EPS8L2: variants seen among roughly 807,000 people sequenced by gnomAD.
EPS8L2 encodes epidermal growth factor receptor kinase substrate 8-like protein 2.
A neutral mutation model predicts 99.4 loss-of-function variants in EPS8L2; 81 were observed. The observed-to-expected ratio is 0.82, with a 90% CI of 0.68 to 0.98. The LOEUF is 0.98. Among genes scored for constraint, EPS8L2 ranks in the 50% least tolerant of loss-of-function variants. EPS8L2 has a pLI of 0.00. For synonymous variants in EPS8L2, 509 were observed against 407.3 expected, an observed-to-expected ratio of 1.25 and a Z score of -3.01; for missense variants, 1,155 against 968.8, an observed-to-expected ratio of 1.19 and a Z score of -2.55.
chr11:706,976 C>T (rs1425138642), intron 1 of EPS8L2, among the ~76,000 whole-genome samples: 2 of 152,072 alleles, frequency 1.3e-5, no homozygotes, highest in Non-Finnish European at 2.9e-5. Context: ...CCTGGCGTTG[C>T]CCCTTGCTGC....
Position 724,975 on chromosome 11 carries a change from C to T in EPS8L2, c.1560+146C>T, listed in dbSNP as rs1862277026. On this transcript the variant is annotated intron_variant, in intron 16 of 20. Transcript: ENST00000318562. The surrounding 1 kb of genome is among the most constrained non-coding windows in gnomAD (Gnocchi z 5.5). ...GCTGCTGGCCCCTTTCTCCAGGGTCCCCGCCCTTGGACTCTGATCAGGATC... is the reference window on the plus strand; with the variant it reads ...GCTGCTGGCCCCTTTCTCCAGGGTCTCCGCCCTTGGACTCTGATCAGGATC... 4 of 658,500 alleles carry T rather than the reference C, an allele frequency of 6.1e-6. No individual in the cohort carries two copies. In the South Asian group the frequency reaches 7.1e-5, roughly 12 times the overall value. The allele number at this position is 658,500 out of a possible 1,614,324, so 40.8% of individuals were successfully genotyped here. A position where few individuals can be genotyped will look rare whatever the true frequency, so the allele number is the denominator to read the frequency against.
chr11:717,677 A>C (rs560072079), intron 4 of EPS8L2, among the ~76,000 whole-genome samples: 4 of 151,868 alleles, frequency 2.6e-5, no homozygotes, highest in African/African-American at 9.6e-5. Context: ...CCAGGAGTTC[A>C]AGACCAGCCT....
At chr11:722,831 C>G (rs1423934431) in intron 14 of EPS8L2, 26 bp downstream of exon 14, 2 of 1,492,164 alleles carry the variant, frequency 1.3e-6, no homozygotes, top group African/African-American at 1.4e-5. Context: ...GCCCCCATCC[C>G]TACCCCAGCC....
At position 722,806 on chromosome 11, in the gene EPS8L2, G is replaced by C; in HGVS notation, c.1341+1G>C. On this transcript the variant is annotated splice_donor_variant, in intron 14 of 20. Transcript: ENST00000318562. LOFTEE classifies it high-confidence loss of function. ...GCTGGCGTCTGCCCCCATCGAGGAG[G>C]TGAGAGCACCAGCAGCCCCCATCCC... 6.4e-7 allele frequency: 1 copy of C among 1,562,922 alleles called. No individual in the cohort carries two copies.
chr11:708,038 C>A (rs1271439065), intron 1 of EPS8L2, among the ~76,000 whole-genome samples: 1 of 152,202 alleles, frequency 6.6e-6, no homozygotes, highest in Admixed American at 6.5e-5. Flanking sequence ...CCGGGCCTCC[C>A]AGACCCTCCC....
chr11:718,190 G>A (rs575336809), intron 4 of EPS8L2, among the ~76,000 whole-genome samples: 2 of 151,954 alleles, frequency 1.3e-5, no homozygotes, highest in South Asian at 2.1e-4. Flanking sequence ...AAAATTAGTC[G>A]GGTGTGGTGG....
chr11:709,275 G>T (rs1861819667), intron 1 of EPS8L2, 55 bp from the exon 2 acceptor site: 1 of 1,103,216 alleles, frequency 9.1e-7, no homozygotes, highest in Non-Finnish European at 1.3e-6. Context: ...AGGGAAGGAG[G>T]GGAGGAACCA....
At position 726,439 on chromosome 11, in the gene EPS8L2, C is replaced by G; in HGVS notation, c.1889C>G (p.Pro630Arg). 2 of 1,592,398 alleles carry G rather than the reference C, an allele frequency of 1.3e-6. No homozygotes were observed. The highest frequency in any genetic ancestry group is 1.7e-6 in the Non-Finnish European group (2 of 1,171,052). The stretch of plus-strand genomic sequence containing the variant: ...CAGCCGCTCACCTACGAGTCGGGTC[C>G]GGACGAGGTCCGCGCCTGGCTGGAA... ...VSQPLTYESG[P>R]DEVRAWLEAK... The change falls in exon 19 of 21, where the codon CCG (proline) becomes CGG (arginine). Residue 630 changes from proline (P) to arginine (R), a missense_variant. Transcript: ENST00000318562.
In EPS8L2 at chr11:724,495, C is replaced by T; in HGVS notation, c.1455-229C>T. ...CTTGCTGTACCACAGGCCCCTGCGC[C>T]ACGCCCACCTCCTGCCTGCCCCGCC... On this transcript the variant is annotated intron_variant, in intron 15 of 20. Coordinates refer to ENST00000318562, the MANE Select transcript of EPS8L2 (RefSeq NM_022772.4). This position sits in a 1 kb window ranked among gnomAD's most constrained non-coding sequence, Gnocchi z 5.5. 2 of 564,564 alleles carry T rather than the reference C, an allele frequency of 3.5e-6. No individual in the cohort carries two copies. The highest frequency in any genetic ancestry group is 6.4e-6 in the Non-Finnish European group (2 of 314,316). 35.0% of individuals were successfully genotyped at this position (564,564 alleles called of 1,614,324 possible).
Position 721,213 on chromosome 11 carries a change from C to T in EPS8L2, c.700+7C>T, listed in dbSNP as rs1167543797. 2.6e-6 allele frequency: 4 copies of T among 1,531,256 alleles called. No homozygotes were observed. Among genetic ancestry groups the T allele is most frequent in the East Asian group, 2.5e-5 (1 of 40,672 alleles). The allele number at this position is 1,531,256 out of a possible 1,614,324, so 94.9% of individuals were successfully genotyped here. The stretch of plus-strand genomic sequence containing the variant: ...GTGCCACTCAGCGAGCCAGGTGGGC[C>T]GAGGGGCTGGAGGGGGCTCCACAGG... On this transcript the variant is annotated splice_region_variant and intron_variant, in intron 8 of 20. Coordinates refer to ENST00000318562, the MANE Select transcript of EPS8L2 (RefSeq NM_022772.4).
Position 709,602 on chromosome 11 carries a change from C to G in EPS8L2, c.94C>G (p.Leu32Val). 2 of 1,613,104 alleles carry G rather than the reference C, an allele frequency of 1.2e-6. No homozygotes were observed. Among genetic ancestry groups the G allele is most frequent in the Non-Finnish European group, 8.5e-7 (1 of 1,179,916 alleles). ...TGTGGCCAAGATGAGCCCCAAGGAC[C>G]TGTTTGGTGAGTGAGGTTTGAGAAC... is the stretch of plus-strand genomic sequence containing the variant. ...DGVAKMSPKD[L>V]FEQRKKYSNS... The change falls in exon 3 of 21, where the codon CTG (leucine) becomes GTG (valine). Residue 32 changes from leucine to valine, a missense_variant. Physicochemically the swap from Leu to Val is conservative, Grantham distance 32 (BLOSUM62 1). Transcript: ENST00000318562.
chr11:712,486 G>A (rs912036786), intron 4 of EPS8L2, among the ~76,000 whole-genome samples: 14 of 151,152 alleles, frequency 9.3e-5, no homozygotes, highest in South Asian at 2.1e-4. Flanking sequence ...CCCGGTTGTC[G>A]TCCAAGCCTG....
In EPS8L2 at chr11:720,900, A is replaced by G; in HGVS notation, c.548A>G (p.Gln183Arg). 9 of 1,294,484 alleles carry G rather than the reference A, an allele frequency of 7.0e-6. No individual in the cohort carries two copies. The highest frequency in any genetic ancestry group is 1.3e-5 in the South Asian group (1 of 75,636). 80.2% of individuals were successfully genotyped at this position (1,294,484 alleles called of 1,614,324 possible). ...DCRLGKKMRP[Q>R]TLKGHQEKIR... ...CGGCTGGGCAAGAAGATGCGGCCGC[A>G]GACCCTGAAGTAGGGCAGCGGGCGG... The change falls in exon 7 of 21, where the codon CAG becomes CGG. Residue 183 changes from glutamine (Q) to arginine (R), a missense_variant. Physicochemically the swap from Gln to Arg is conservative, Grantham distance 43 (BLOSUM62 1). Transcript: ENST00000318562.
intron 20 of EPS8L2, 48 bp downstream of exon 20, chr11:726,799 C>T (rs768186769): frequency 1.9e-6 from 3 of 1,578,786 alleles, no homozygotes; most frequent in East Asian, 4.6e-5. Flanking sequence ...CCCCTGCGCC[C>T]TCCTCTCCCC....
intron 4 of EPS8L2, among the ~76,000 whole-genome samples, chr11:715,882 A>T (rs1427783251): frequency 6.6e-6 from 1 of 151,772 alleles, no homozygotes; most frequent in African/African-American, 2.4e-5. Flanking sequence ...GGCCTCCTAA[A>T]GTGCTGGGAT....
rs577207676 is a variant in EPS8L2, at chr11:712,762, C to T, written c.165+2276C>T. ...ATCAGGAGTCCCTGAGCTCTTGAATCGGGCTGTTTTGGGTGACCAGGGCCC... is the reference window on the plus strand; with the variant it reads ...ATCAGGAGTCCCTGAGCTCTTGAATTGGGCTGTTTTGGGTGACCAGGGCCC... On this transcript the variant is annotated intron_variant, in intron 4 of 20. Transcript: ENST00000318562. Among the ~76,000 whole-genome samples the T allele has an allele frequency of 6.6e-5, 10 of 152,366 alleles. No individual in the cohort carries two copies. In the South Asian group the frequency reaches 1.7e-3, roughly 25 times the overall value.
In EPS8L2 at chr11:725,836, C is replaced by T. The variant is rs773075093; in HGVS notation, c.1669C>T (p.Pro557Ser). Residue 557 changes from proline (P) to serine (S), a missense_variant, in exon 17 of 21, where the codon CCG becomes TCG. Transcript: ENST00000318562. ...GGCGCGACCGGAGGACGCCGGCGCC[C>T]CGTTCGAGCAGGTGAGCCCGCGGGG... Reference protein sequence around the residue: ...GEARPEDAGAPFEQAGQKYWG... With the variant: ...GEARPEDAGASFEQAGQKYWG... 17 of 1,384,706 alleles carry T rather than the reference C, an allele frequency of 1.2e-5. No homozygotes were observed. In the African/African-American group the frequency reaches 2.6e-4, roughly 21 times the overall value. 85.8% of individuals were successfully genotyped at this position (1,384,706 alleles called of 1,614,324 possible). A position where few individuals can be genotyped will look rare whatever the true frequency, so the allele number is the denominator to read the frequency against.
At chr11:722,630 AGTTCTGGAGAGGCAGG>A in intron 13 of EPS8L2, 27 bp from the exon 14 acceptor site, 1 of 1,608,984 alleles carries the variant, frequency 6.2e-7, no homozygotes, top group African/African-American at 1.3e-5. Context: ...CTGGTGGGCC[AGTTCTGGAGAGGCAGG>A]GCTGACTTCA....
At chr11:709,762 C>T in intron 3 of EPS8L2, 154 bp downstream of exon 3, 2 of 789,220 alleles carry the variant, frequency 2.5e-6, no homozygotes, top group Non-Finnish European at 4.1e-6. Context: ...AATCAACCTT[C>T]CGAAAGCTCC....
Sources: gnomAD v4.1 joint callset for allele counts (sites outside exome capture counted in the v4.1 genomes callset) on GRCh38, gnomAD v4.1.1 for gene constraint, Gnocchi (gnomAD v3.1) non-coding constraint, MANE v1.5 for transcripts, NCBI Gene and HGNC (gene_info 2026-07-23, HGNC 2026-07-21) for gene names.